The following PHC2 variants were observed in gnomAD, a reference collection of about 807,000 sequenced individuals.
The protein encoded by PHC2 is polyhomeotic homolog 2.
A neutral mutation model predicts 87.4 loss-of-function variants in PHC2; 29 were observed. The ratio of observed to expected loss-of-function variants is 0.33; its 90% CI spans 0.25 to 0.45. The LOEUF (loss-of-function observed/expected upper bound fraction) is 0.45. Among genes scored for constraint, PHC2 ranks in the 20% least tolerant of loss-of-function variants. The probability of loss-of-function intolerance (pLI) is 1.00; values close to 1 mark genes in which losing one functional copy is unlikely to be tolerated. For synonymous variants in PHC2, 438 were observed against 461.7 expected (o/e 0.95, Z 0.66); for missense variants, 857 against 1,136.7 (o/e 0.75, Z 3.54).
chr1:33,392,966 G>T (rs1324098095), intron 1 of PHC2, among the ~76,000 whole-genome samples: 1 of 152,176 alleles, frequency 6.6e-6, no homozygotes, highest in African/African-American at 2.4e-5. Context: ...ACACATTACA[G>T]AATAAACCAA....
At chr1:33,377,538 CTCT>C (rs1648247360) in intron 1 of PHC2, among the ~76,000 whole-genome samples, 1 of 152,032 alleles carries the variant, frequency 6.6e-6, no homozygotes, top group African/African-American at 2.4e-5. Context: ...GTTTAAGTTC[CTCT>C]TTTTTTCTTT....
chr1:33,355,367 C>T, intron 7 of PHC2, 114 bp from the exon 8 acceptor site: 3 of 909,930 alleles, frequency 3.3e-6, no homozygotes, highest in Non-Finnish European at 4.8e-6. Context: ...TTCAATGTCT[C>T]TTGTTTTCAT....
rs546807332 is a variant in PHC2 at position 33,386,820 on chromosome 1, CACAT to C, written c.-54-11231_-54-11228del. On this transcript the variant is annotated intron_variant, in intron 1 of 14. Transcript: ENST00000683057. ...ACAGTGTGCGCACACACACCCTGCACACATACAAAGCACACACACAGCACATACA... is the reference window on the plus strand; with the variant it reads ...ACAGTGTGCGCACACACACCCTGCACACAAAGCACACACACAGCACATACA... 6.0e-4 allele frequency among the ~76,000 whole-genome samples: 91 copies of C among 152,202 alleles called. 2 individuals are homozygous for C. Among genetic ancestry groups the C allele is most frequent in the African/African-American group, 1.8e-3 (75 of 41,546 alleles).
chr1:33,359,369 A>T (rs776250446), intron 7 of PHC2, among the ~76,000 whole-genome samples: 15 of 152,218 alleles, frequency 9.9e-5, no homozygotes, highest in Non-Finnish European at 2.9e-5. Flanking sequence ...TTACAGGACT[A>T]CTTATGCACT....
chr1:33,343,468 C>CAAAAAAAAAAAAAAAAAAAAAAAAAA (rs71006394), intron 9 of PHC2, among the ~76,000 whole-genome samples: 1 of 59,842 alleles, frequency 1.7e-5, no homozygotes. Context: ...GACTCTGTCT[C>CAAAAAAAAAAAAAAAAAAAAAAAAAA]AAAAAAAAAA....
At chr1:33,328,033 C>G (rs1484901833) in intron 14 of PHC2, among the ~76,000 whole-genome samples, 3 of 152,258 alleles carry the variant, frequency 2.0e-5, no homozygotes, top group Non-Finnish European at 4.4e-5. Flanking sequence ...ACTCAGAAGT[C>G]TGTGCTCTTA....
At chr1:33,394,525 A>G (rs1307510885) in intron 1 of PHC2, among the ~76,000 whole-genome samples, 1 of 152,146 alleles carries the variant, frequency 6.6e-6, no homozygotes, top group Non-Finnish European at 1.5e-5. Context: ...TAATTAACTA[A>G]GAATTTTTTG....
At chr1:33,430,210 A>G (rs1208078935) in intron 1 of PHC2, among the ~76,000 whole-genome samples, 5 of 152,212 alleles carry the variant, frequency 3.3e-5, no homozygotes, top group Admixed American at 2.0e-4. Context: ...CGTGTATGAC[A>G]GACCCGATCC....
chr1:33,427,445 C>A (rs1297956464), intron 1 of PHC2, among the ~76,000 whole-genome samples: 1 of 152,196 alleles, frequency 6.6e-6, no homozygotes, highest in Non-Finnish European at 1.5e-5. Context: ...GCTGCCTTCA[C>A]TAATCACTTT....
In PHC2 at chr1:33,349,459, G is replaced by C. The variant is rs922225489; in HGVS notation, c.1558+4942C>G. On this transcript the variant is annotated intron_variant, in intron 9 of 14. Transcript: ENST00000683057. The surrounding 1 kb of genome is among the most constrained non-coding windows in gnomAD (Gnocchi z 4.2). Reference sequence around the variant, plus strand: ...CCTCCCAGGCGCCGCGCGGACGAGAGCCGCGACTGGCACGGCCTGGCAGCC... The same window carrying C: ...CCTCCCAGGCGCCGCGCGGACGAGACCCGCGACTGGCACGGCCTGGCAGCC... 5 of 985,246 alleles carry C rather than the reference G, an allele frequency of 5.1e-6. No homozygotes were observed. The highest frequency in any genetic ancestry group is 6.0e-6 in the Non-Finnish European group (5 of 829,874). The allele number at this position is 985,246 out of a possible 1,614,324, so 61.0% of individuals were successfully genotyped here.
intron 1 of PHC2, among the ~76,000 whole-genome samples, chr1:33,421,315 G>A (rs1471374630): frequency 1.3e-5 from 2 of 152,134 alleles, no homozygotes. Flanking sequence ...TAAAGGACAG[G>A]AAGTAGGGCA....
intron 1 of PHC2, among the ~76,000 whole-genome samples, chr1:33,387,798 A>G (rs576267375): frequency 2.6e-5 from 4 of 152,222 alleles, no homozygotes; most frequent in African/African-American, 4.8e-5. Flanking sequence ...GTTCTTATGA[A>G]GTTCACTTGG....
rs1328518316 is a variant in PHC2 at position 33,370,584 on chromosome 1, A to G, written c.413T>C (p.Ile138Thr). 1.2e-6 allele frequency: 2 copies of G among 1,611,654 alleles called. No individual in the cohort carries two copies. The highest frequency in any genetic ancestry group is 1.1e-5 in the South Asian group (1 of 90,862). Residue 138 changes from isoleucine (I) to threonine (T), a missense_variant and splice_region_variant, in exon 5 of 15, where the codon ATC (isoleucine) becomes ACC (threonine). Around this residue, in one of 3 missense-constraint regions of PHC2, gnomAD observed 832 missense variants for 1,081.8 expected, o/e 0.77. Transcript: ENST00000683057. ...SAQAPAQSSS[I>T]NLAASPAAAQ... Reference sequence around the variant, plus strand: ...TGCTGCTGGGGAGGCTGCCAGGTTGATCTAATGAGAGAGACATGTGCGGTA... The same window carrying G: ...TGCTGCTGGGGAGGCTGCCAGGTTGGTCTAATGAGAGAGACATGTGCGGTA...
At chr1:33,339,922 G>T (rs1646711823) in intron 9 of PHC2, among the ~76,000 whole-genome samples, 1 of 152,214 alleles carries the variant, frequency 6.6e-6, no homozygotes, top group South Asian at 2.1e-4. Flanking sequence ...TGCTCAAAAA[G>T]TTTGGGATTT....
intron 1 of PHC2, among the ~76,000 whole-genome samples, chr1:33,399,981 CTT>C (rs1241195951): frequency 6.6e-6 from 1 of 151,178 alleles, no homozygotes; most frequent in Non-Finnish European, 1.5e-5. Flanking sequence ...AGAGATATAA[CTT>C]AGTAGAAAAT....
intron 1 of PHC2, among the ~76,000 whole-genome samples, chr1:33,419,026 A>G (rs1650321725): frequency 6.6e-6 from 1 of 152,212 alleles, no homozygotes; most frequent in Admixed American, 6.5e-5. Flanking sequence ...TACTAACTGC[A>G]TCACTTTGGC....
chr1:33,383,580 A>C (rs1389596683), intron 1 of PHC2, among the ~76,000 whole-genome samples: 1 of 152,244 alleles, frequency 6.6e-6, no homozygotes, highest in East Asian at 1.9e-4. Flanking sequence ...AGGAAAAAGA[A>C]GGATTTGCTG....
intron 14 of PHC2, among the ~76,000 whole-genome samples, chr1:33,326,708 C>G (rs1396813092): frequency 6.6e-6 from 1 of 152,190 alleles, no homozygotes; most frequent in African/African-American, 2.4e-5. Flanking sequence ...AATCCCAGCA[C>G]TTTAGGAGGC....
intron 4 of PHC2, 120 bp downstream of exon 4, chr1:33,370,897 G>T: frequency 1.2e-6 from 1 of 851,150 alleles, no homozygotes; most frequent in Non-Finnish European, 2.0e-6. Context: ...TTCCCGGTAA[G>T]GGCAATAGAT....
Sources: gnomAD v4.1 joint callset for allele counts (sites outside exome capture counted in the v4.1 genomes callset) on GRCh38, gnomAD v4.1.1 for gene constraint, gnomAD v4.1.1 regional missense constraint, Gnocchi (gnomAD v3.1) non-coding constraint, MANE v1.5 for transcripts, NCBI Gene and HGNC (gene_info 2026-07-23, HGNC 2026-07-21) for gene names.